Variants in MMP2 observed in about 807,000 individuals in gnomAD.
The protein encoded by MMP2 is matrix metallopeptidase 2, also known as 72 kDa type IV collagenase.
MMP2 carries 39 observed loss-of-function variants against 74.8 expected under a neutral mutation model. The ratio of observed to expected loss-of-function variants is 0.52; its 90% confidence interval spans 0.40 to 0.68. The LOEUF (loss-of-function observed/expected upper bound fraction) is 0.68. Ranked by LOEUF, MMP2 falls within the 30% of genes least tolerant of loss-of-function variation. The pLI is 0.00. For missense variants in MMP2, 803 were observed against 878.3 expected (o/e 0.91, Z 1.08); for synonymous variants, 367 against 339.8 (o/e 1.08, Z -0.88).
Position 55,489,828 on chromosome 16 carries a change from C to T in MMP2, c.1180+4C>T, listed in dbSNP as rs1163260711. 10 of 1,613,790 alleles carry T rather than the reference C, an allele frequency of 6.2e-6. No individual in the cohort carries two copies. The East Asian group carries it at 8.9e-5, about 14-fold the overall frequency. On this transcript the variant is annotated splice_donor_region_variant and intron_variant, in intron 7 of 12. Coordinates refer to ENST00000219070, the MANE Select transcript of MMP2 (RefSeq NM_004530.6). ...TGGGGCTTCTGCCCTGACCAAGGTA[C>T]GAGGCCCTGGTCATTGGACAGAGAC...
rs1282203924 is a variant in MMP2, at chr16:55,496,968, G to T, written c.1515G>T (p.Gly505=). 133 of 1,614,026 alleles carry T rather than the reference G, an allele frequency of 8.2e-5. No homozygotes were observed. In the East Asian group the frequency reaches 2.9e-3, roughly 35 times the overall value. The change falls in exon 10 of 13, where the codon GGG becomes GGT. Residue 505 remains glycine, a synonymous_variant. Coordinates refer to ENST00000219070, the MANE Select transcript of MMP2 (RefSeq NM_004530.6). ...RTVTPRDKPM[G]PLLVATFWPE... is the part of the protein sequence containing the mutation. ...TGACGCCACGTGACAAGCCCATGGG[G>T]CCCCTGCTGGTGGCCACATTCTGGC...
intron 12 of MMP2, among the ~76,000 whole-genome samples, chr16:55,504,825 T>C (rs1279820215): frequency 1.3e-5 from 2 of 151,956 alleles, no homozygotes; most frequent in African/African-American, 4.8e-5. Flanking sequence ...GCTAATTTTT[T>C]GTATTTTTAG....
chr16:55,487,273 G>C (rs1962282575), intron 5 of MMP2: 1 of 152,294 alleles, frequency 6.6e-6, no homozygotes. Context: ...TTGTTACTCA[G>C]CCCCTGCTGA....
chr16:55,485,845 G>A, intron 5 of MMP2, 68 bp downstream of exon 5: 7 of 1,541,846 alleles, frequency 4.5e-6, no homozygotes, highest in Non-Finnish European at 6.2e-6. Context: ...TCCCCAGTGT[G>A]CTCTTCCCTC....
At chr16:55,498,563 C>G (rs956949273) in intron 11 of MMP2, 115 bp downstream of exon 11, 3 of 1,381,036 alleles carry the variant, frequency 2.2e-6, no homozygotes, top group Non-Finnish European at 3.1e-6. Flanking sequence ...CTCTGGATGC[C>G]CTCTCTCTGG....
intron 12 of MMP2, among the ~76,000 whole-genome samples, chr16:55,503,617 T>A (rs2142374980): frequency 6.6e-6 from 1 of 151,704 alleles, no homozygotes; most frequent in South Asian, 2.1e-4. Context: ...AGATTAGGAG[T>A]TATCTTCAAG....
intron 6 of MMP2, 170 bp downstream of exon 6, chr16:55,488,886 TCACCTGGTATGGCCTGGG>T: frequency 2.8e-6 from 2 of 721,846 alleles, no homozygotes; most frequent in Non-Finnish European, 4.7e-6. Flanking sequence ...AGGATACTTG[TCACCTGGTATGGCCTGGG>T]CACTGAAATC....
chr16:55,489,743 G>A lies in MMP2; in HGVS notation c.1099G>A (p.Gly367Ser), dbSNP rs748528474. Residue 367 changes from glycine to serine, a missense_variant, in exon 7 of 13, where the codon GGC (glycine) becomes AGC (serine). By Grantham distance (56) the Gly-to-Ser change is moderately conservative. Around this residue, in one of 3 missense-constraint regions of MMP2, gnomAD observed 555 missense variants for 592.0 expected, o/e 0.94. Transcript: ENST00000219070. ...GNKYESCTSA[G>S]RSDGKMWCAT... ...CAAATATGAGAGCTGCACCAGCGCC[G>A]GCCGCAGTGACGGAAAGATGTGGTG... The A allele has an allele frequency of 2.0e-5, 33 of 1,614,116 alleles. No individual in the cohort carries two copies. The highest frequency in any genetic ancestry group is 3.3e-4 in the Middle Eastern group (2 of 6,062).
chr16:55,505,724 C>T lies in MMP2; in HGVS notation c.*282C>T. 1 of 494,296 alleles carries T rather than the reference C, an allele frequency of 2.0e-6. No homozygotes were observed. Among genetic ancestry groups the T allele is most frequent in the Non-Finnish European group, 3.7e-6 (1 of 270,230 alleles). The allele number at this position is 494,296 out of a possible 1,614,324, so 30.6% of individuals were successfully genotyped here. On this transcript the variant is annotated 3_prime_UTR_variant, in exon 13 of 13. Coordinates refer to ENST00000219070, the MANE Select transcript of MMP2 (RefSeq NM_004530.6). Reference sequence around the variant, plus strand: ...GATACTTTGATATTTTCAACGCAGCCCTGCTTTGGGCTGCCCTGGTGCTGC... The same window carrying T: ...GATACTTTGATATTTTCAACGCAGCTCTGCTTTGGGCTGCCCTGGTGCTGC...
chr16:55,497,035 C>T lies in MMP2; in HGVS notation c.1582C>T (p.Gln528Ter). The change falls in exon 10 of 13, where the codon CAG becomes TAG. Residue 528 changes from glutamine to a stop codon, truncating the protein, a stop_gained. Coordinates refer to ENST00000219070, the MANE Select transcript of MMP2 (RefSeq NM_004530.6). LOFTEE classifies it high-confidence loss of function. ...EKIDAVYEAP[Q>*]EEKAVFFAGN... ...GATTGATGCGGTATACGAGGCCCCA[C>T]AGGAGGAGAAGGCTGTGTTCTTTGC... 6.2e-7 allele frequency: 1 copy of T among 1,614,180 alleles called. No individual in the cohort carries two copies. The highest frequency in any genetic ancestry group is 8.5e-7 in the Non-Finnish European group (1 of 1,180,040).
In MMP2 at chr16:55,498,392, C is replaced by A. The variant is rs1243294609; in HGVS notation, c.1713C>A (p.Ala571=). ...CTGATGTCCAGCGAGTGGATGCCGC[C>A]TTTAACTGGAGCAAAAACAAGAAGA... ...LPPDVQRVDA[A]FNWSKNKKTY... is the part of the protein sequence containing the mutation. Residue 571 remains alanine, a synonymous_variant, in exon 11 of 13, where the codon GCC becomes GCA. Transcript: ENST00000219070. 6.2e-7 allele frequency: 1 copy of A among 1,614,236 alleles called. No individual in the cohort carries two copies. The highest frequency in any genetic ancestry group is 1.1e-5 in the South Asian group (1 of 91,090).
intron 1 of MMP2, among the ~76,000 whole-genome samples, chr16:55,482,324 T>A (rs926166421): frequency 1.1e-4 from 17 of 152,336 alleles, no homozygotes; most frequent in African/African-American, 3.1e-4. Flanking sequence ...TAAACCCAGG[T>A]CTGTCTACTG....
intron 10 of MMP2, among the ~76,000 whole-genome samples, chr16:55,497,978 G>A (rs1235650323): frequency 6.6e-6 from 1 of 152,136 alleles, no homozygotes; most frequent in African/African-American, 2.4e-5. Context: ...TGGCTCCTAG[G>A]GCACCTTTTT....
At chr16:55,502,624 C>A (rs1293200256) in intron 11 of MMP2, among the ~76,000 whole-genome samples, 155 bp from the exon 12 acceptor site, 1 of 152,152 alleles carries the variant, frequency 6.6e-6, no homozygotes, top group African/African-American at 2.4e-5. Flanking sequence ...TGATTCCATG[C>A]CCTTCCTTCC....
intron 1 of MMP2, chr16:55,482,008 A>C (rs2142342922): frequency 1.8e-6 from 1 of 554,066 alleles, no homozygotes; most frequent in Non-Finnish European, 3.3e-6. Flanking sequence ...GCTCCTTTCA[A>C]CATTCTAACA....
intron 8 of MMP2, 44 bp downstream of exon 8, chr16:55,492,000 G>A (rs780793785): frequency 2.3e-5 from 32 of 1,376,918 alleles, no homozygotes; most frequent in Middle Eastern, 2.2e-4. Flanking sequence ...TGAGGAGGGG[G>A]GAGGTCATGT....
intron 11 of MMP2, among the ~76,000 whole-genome samples, chr16:55,502,151 T>C (rs1432497643): frequency 1.3e-5 from 2 of 152,104 alleles, no homozygotes; most frequent in African/African-American, 4.8e-5. Context: ...CCACCTTGCA[T>C]TGTAACCTCA....
chr16:55,483,116 A>G lies in MMP2; in HGVS notation c.361A>G (p.Lys121Glu), dbSNP rs759490013. 15 of 1,613,956 alleles carry G rather than the reference A, an allele frequency of 9.3e-6. No homozygotes were observed. Among genetic ancestry groups the G allele is most frequent in the Non-Finnish European group, 1.3e-5 (15 of 1,179,952 alleles). Reference protein sequence around the residue: ...NFFPRKPKWDKNQITYRIIGY... With the variant: ...NFFPRKPKWDENQITYRIIGY... ...CTTCCCTCGCAAGCCCAAGTGGGAC[A>G]AGAACCAGATCACATACAGGTGCCG... The change falls in exon 2 of 13, where the codon AAG becomes GAG. Residue 121 changes from lysine (K) to glutamate (E), a missense_variant. Coordinates refer to ENST00000219070, the MANE Select transcript of MMP2 (RefSeq NM_004530.6).
In MMP2 at chr16:55,502,811, G is replaced by A. The variant is rs142010233; in HGVS notation, c.1802G>A (p.Gly601Asp). 2 of 1,614,056 alleles carry A rather than the reference G, an allele frequency of 1.2e-6. No individual in the cohort carries two copies. Among genetic ancestry groups the A allele is most frequent in the Non-Finnish European group, 1.7e-6 (2 of 1,179,996 alleles). ...YNEVKKKMDPGFPKLIADAWN... is the reference protein window; with the variant it reads ...YNEVKKKMDPDFPKLIADAWN... ...GAGGTGAAGAAGAAAATGGATCCTG[G>A]CTTCCCCAAGCTCATCGCAGATGCC... Residue 601 changes from glycine (G) to aspartate (D), a missense_variant, in exon 12 of 13, where the codon GGC (glycine) becomes GAC (aspartate). By Grantham distance (94) the Gly-to-Asp change is moderately conservative. Around this residue, in one of 3 missense-constraint regions of MMP2, gnomAD observed 555 missense variants for 592.0 expected, o/e 0.94. Coordinates refer to ENST00000219070, the MANE Select transcript of MMP2 (RefSeq NM_004530.6).
Sources: gnomAD v4.1 joint callset for allele counts (sites outside exome capture counted in the v4.1 genomes callset) on GRCh38, gnomAD v4.1.1 for gene constraint, gnomAD v4.1.1 regional missense constraint, MANE v1.5 for transcripts, NCBI Gene and HGNC (gene_info 2026-07-23, HGNC 2026-07-21) for gene names.